The following SWT1 variants were observed in gnomAD, a reference collection of about 807,000 sequenced individuals.
SWT1 encodes the protein SWT1 RNA endoribonuclease homolog, also known as transcriptional protein SWT1.
In SWT1, 33 loss-of-function variants were observed where a neutral mutation model predicts 107.3. The observed-to-expected ratio is 0.31, with a 90% confidence interval of 0.23 to 0.41. The LOEUF (loss-of-function observed/expected upper bound fraction) is 0.41. Ranked by LOEUF, SWT1 falls within the 10% of genes least tolerant of loss-of-function variation. The pLI is 1.00. For synonymous variants in SWT1, 345 were observed against 348.3 expected (o/e 0.99, Z 0.11); for missense variants, 898 against 1,028.9 (o/e 0.87, Z 1.74).
chr1:185,267,725 A>G (rs1301901725), intron 16 of SWT1, among the ~76,000 whole-genome samples: 2 of 152,196 alleles, frequency 1.3e-5, no homozygotes, highest in Non-Finnish European at 2.9e-5. Context: ...TATAAATTTT[A>G]AAAATGGCCA....
At chr1:185,158,502 C>T (rs934031311) in intron 1 of SWT1, among the ~76,000 whole-genome samples, 5 of 148,568 alleles carry the variant, frequency 3.4e-5, no homozygotes, top group African/African-American at 1.0e-4. Context: ...AATTCTTGTT[C>T]TCATTTCTTT....
intron 15 of SWT1, among the ~76,000 whole-genome samples, chr1:185,223,748 G>T (rs1659848040): frequency 6.6e-6 from 1 of 152,032 alleles, no homozygotes. Flanking sequence ...CTTCACCCAG[G>T]CATTAGGCCT....
At chr1:185,282,453 G>A (rs1489614016) in intron 18 of SWT1, among the ~76,000 whole-genome samples, 1 of 151,550 alleles carries the variant, frequency 6.6e-6, no homozygotes, top group Admixed American at 6.6e-5. Context: ...TTGGGGGGCG[G>A]CACACACAGA....
intron 10 of SWT1, among the ~76,000 whole-genome samples, chr1:185,202,088 A>T (rs1169089189): frequency 6.6e-6 from 1 of 152,124 alleles, no homozygotes; most frequent in Non-Finnish European, 1.5e-5. Flanking sequence ...TCATTTTCCC[A>T]CTGAAGCCCT....
intron 16 of SWT1, among the ~76,000 whole-genome samples, chr1:185,249,517 T>A (rs926199896): frequency 6.6e-6 from 1 of 152,150 alleles, no homozygotes; most frequent in South Asian, 2.1e-4. Context: ...ATCTCATTAT[T>A]TGAATCAGGT....
At chr1:185,250,987 A>G (rs1661974724) in intron 16 of SWT1, among the ~76,000 whole-genome samples, 1 of 152,178 alleles carries the variant, frequency 6.6e-6, no homozygotes. Flanking sequence ...TTTGTTTGAC[A>G]TGGTTGATAC....
intron 16 of SWT1, among the ~76,000 whole-genome samples, chr1:185,262,786 C>CTT (rs572086827): frequency 5.8e-4 from 79 of 135,462 alleles, no homozygotes; most frequent in Admixed American, 2.1e-3. Flanking sequence ...TTTCTTCTTT[C>CTT]TTTTTTTTTT....
At chr1:185,253,506 G>C (rs1425074088) in intron 16 of SWT1, among the ~76,000 whole-genome samples, 2 of 150,402 alleles carry the variant, frequency 1.3e-5, no homozygotes, top group Non-Finnish European at 2.9e-5. Context: ...CACATCCCTT[G>C]TAAGTTGGAT....
At chr1:185,222,376 C>T (rs746325244) in intron 15 of SWT1, among the ~76,000 whole-genome samples, 1 of 152,212 alleles carries the variant, frequency 6.6e-6, no homozygotes, top group East Asian at 1.9e-4. Flanking sequence ...AGGTTGATTT[C>T]ATATCTTGGC....
At chr1:185,267,465 T>G (rs1191036196) in intron 16 of SWT1, among the ~76,000 whole-genome samples, 1 of 152,200 alleles carries the variant, frequency 6.6e-6, no homozygotes, top group Admixed American at 6.5e-5. Context: ...ATTGATGCTG[T>G]CATAAAGGAA....
rs1370991464 is a variant in SWT1, at chr1:185,214,646, A to G, written c.2112A>G (p.Thr704=). The G allele has an allele frequency of 6.2e-7, 1 of 1,608,510 alleles. No homozygotes were observed. The highest frequency in any genetic ancestry group is 8.5e-7 in the Non-Finnish European group (1 of 1,177,880). Residue 704 remains threonine (T), a synonymous_variant, in exon 14 of 19, where the codon ACA becomes ACG. Coordinates refer to ENST00000367500, the MANE Select transcript of SWT1 (RefSeq NM_017673.7). ...CTCAAGTAAACAACCTCCTTCAGACATTTGCAGAGGTAAGATGCCTTTGGA... is the reference window on the plus strand; with the variant it reads ...CTCAAGTAAACAACCTCCTTCAGACGTTTGCAGAGGTAAGATGCCTTTGGA... ...TFAQVNNLLQ[T]FAEVKTKLKP...
intron 5 of SWT1, among the ~76,000 whole-genome samples, chr1:185,178,604 G>T (rs1464751064): frequency 6.6e-6 from 1 of 152,148 alleles, no homozygotes; most frequent in African/African-American, 2.4e-5. Flanking sequence ...TTCGGTGGTG[G>T]AAAATTCATT....
At chr1:185,241,043 A>G (rs985485401) in intron 16 of SWT1, among the ~76,000 whole-genome samples, 1 of 152,092 alleles carries the variant, frequency 6.6e-6, no homozygotes, top group East Asian at 1.9e-4. Flanking sequence ...TACTGTATAT[A>G]TTGATAGTTG....
intron 15 of SWT1, chr1:185,226,703 C>T (rs1364552172): frequency 4.5e-6 from 2 of 446,016 alleles, no homozygotes; most frequent in East Asian, 3.5e-5. Context: ...CAAAAGCTTC[C>T]CTGCTATTTC....
At chr1:185,210,911 A>G (rs1004587237) in intron 13 of SWT1, among the ~76,000 whole-genome samples, 1 of 151,444 alleles carries the variant, frequency 6.6e-6, no homozygotes, top group African/African-American at 2.4e-5. Flanking sequence ...ACAGACAAAC[A>G]GAGAGCCAAA....
chr1:185,168,227 G>A (rs911886705), intron 3 of SWT1, 113 bp from the exon 4 acceptor site: 15 of 609,214 alleles, frequency 2.5e-5, no homozygotes, highest in Non-Finnish European at 3.8e-5. Context: ...CATCTCACCG[G>A]ATTACTGGAA....
At chr1:185,198,541 C>G (rs987165824) in intron 10 of SWT1, among the ~76,000 whole-genome samples, 1 of 152,112 alleles carries the variant, frequency 6.6e-6, no homozygotes, top group Non-Finnish European at 1.5e-5. Context: ...GTTAAAGTCT[C>G]CCACTATTAT....
In SWT1 at chr1:185,259,304, C is replaced by T. The variant is rs113794551; in HGVS notation, c.2442-12019C>T. Reference sequence around the variant, plus strand: ...ACTATTTTGCTTTTTGATATATTGCCATCTCTCATAGGAGTTAACATACAA... The same window carrying T: ...ACTATTTTGCTTTTTGATATATTGCTATCTCTCATAGGAGTTAACATACAA... On this transcript the variant is annotated intron_variant, in intron 16 of 18. Transcript: ENST00000367500. 8.7e-3 allele frequency among the ~76,000 whole-genome samples: 1,320 copies of T among 152,190 alleles called. 17 individuals are homozygous for T. Among genetic ancestry groups the T allele is most frequent in the African/African-American group, 0.029 (1,188 of 41,542 alleles).
chr1:185,230,662 T>C (rs949738716), intron 15 of SWT1, among the ~76,000 whole-genome samples: 5 of 152,194 alleles, frequency 3.3e-5, no homozygotes, highest in African/African-American at 1.2e-4. Context: ...TGTTATAAAG[T>C]AAATTTTCTC....
Sources: allele counts gnomAD v4.1 joint callset (sites outside exome capture counted in the v4.1 genomes callset), GRCh38; gene constraint gnomAD v4.1.1; transcripts MANE v1.5; gene names NCBI Gene and HGNC (gene_info 2026-07-23, HGNC 2026-07-21).